Variants in INTU observed in about 807,000 individuals in gnomAD.
The protein encoded by INTU is protein inturned.
INTU carries 68 observed loss-of-function variants against 100.5 expected under a neutral mutation model. That is an observed-to-expected ratio of 0.68 (90% CI 0.56 to 0.83). The LOEUF is 0.83. INTU is among the 40% of genes least tolerant of loss of function. The probability of loss-of-function intolerance (pLI) is 0.00; values close to 1 mark genes in which losing one functional copy is unlikely to be tolerated. For synonymous variants in INTU, 357 were observed against 395.7 expected, an observed-to-expected ratio of 0.90 and a Z score of 1.16; for missense variants, 1,071 against 1,114.7, an observed-to-expected ratio of 0.96 and a Z score of 0.56.
At chr4:127,680,034 C>G (rs796411143) in intron 6 of INTU, among the ~76,000 whole-genome samples, 1 of 152,040 alleles carries the variant, frequency 6.6e-6, no homozygotes, top group Non-Finnish European at 1.5e-5. Context: ...GACACATACA[C>G]CCTCCCAAGA....
intron 9 of INTU, among the ~76,000 whole-genome samples, chr4:127,701,693 T>C (rs184828650): frequency 1.3e-5 from 2 of 151,584 alleles, no homozygotes; most frequent in East Asian, 4.1e-4. Context: ...CTGGTCATAG[T>C]TAAACCTGGG....
chr4:127,649,368 T>C (rs1486940638), intron 2 of INTU, among the ~76,000 whole-genome samples: 3 of 152,152 alleles, frequency 2.0e-5, no homozygotes. Context: ...GAAAAGACAG[T>C]CTAGAACAAA....
chr4:127,713,867 C>T lies in INTU; in HGVS notation c.2560-69C>T, dbSNP rs34240473. ...TATTTGGATCAGCCAATTCAGATTA[C>T]TCTGTGAAAACATTTTAAAGTAACA... On this transcript the variant is annotated intron_variant, in intron 14 of 15. Transcript: ENST00000335251. The T allele has an allele frequency of 0.48, 543,130 of 1,131,354 alleles. 137,048 individuals are homozygous for T. Among genetic ancestry groups the T allele is most frequent in the South Asian group, 0.66 (36,517 of 55,402 alleles). 70.1% of individuals were successfully genotyped at this position (1,131,354 alleles called of 1,614,324 possible).
chr4:127,651,118 G>T (rs1727848807), intron 2 of INTU, among the ~76,000 whole-genome samples: 1 of 151,646 alleles, frequency 6.6e-6, no homozygotes, highest in African/African-American at 2.4e-5. Context: ...CTGGATATTA[G>T]CCCTTTGTCA....
rs577542532 is a variant in INTU at position 127,656,068 on chromosome 4, G to A, written c.683-568G>A. Among the ~76,000 whole-genome samples, 9 of 152,298 alleles carry A rather than the reference G, an allele frequency of 5.9e-5. No individual in the cohort carries two copies. In the East Asian group the frequency reaches 7.7e-4, roughly 13 times the overall value. On this transcript the variant is annotated intron_variant, in intron 2 of 15. Transcript: ENST00000335251. ...CGCTTCCCAAGTGAGGCAATGCCTC[G>A]CCCTGCTTTGGCTTGCACACGGTGT...
chr4:127,633,042 C>T lies in INTU; in HGVS notation c.8C>T (p.Ser3Phe), dbSNP rs1726903104. 20 of 1,613,168 alleles carry T rather than the reference C, an allele frequency of 1.2e-5. No individual in the cohort carries two copies. Among genetic ancestry groups the T allele is most frequent in the Non-Finnish European group, 1.7e-5 (20 of 1,179,274 alleles). MA[S>F]VASCDSRPSS... is the part of the protein sequence containing the mutation. ...GCTATTGCATTCCTGACGATGGCCTCTGTGGCTTCGTGCGATTCGCGTCCG... is the reference window on the plus strand; with the variant it reads ...GCTATTGCATTCCTGACGATGGCCTTTGTGGCTTCGTGCGATTCGCGTCCG... Residue 3 changes from serine to phenylalanine, a missense_variant, in exon 1 of 16, where the codon TCT becomes TTT. Coordinates refer to ENST00000335251, the MANE Select transcript of INTU (RefSeq NM_015693.4).
intron 12 of INTU, among the ~76,000 whole-genome samples, chr4:127,708,011 T>C (rs982923219): frequency 3.3e-5 from 5 of 152,132 alleles, no homozygotes; most frequent in Admixed American, 6.5e-5. Flanking sequence ...TACCAAACAA[T>C]AGAATACTTT....
chr4:127,659,841 G>A (rs1728398628), intron 3 of INTU, among the ~76,000 whole-genome samples: 1 of 152,062 alleles, frequency 6.6e-6, no homozygotes, highest in Non-Finnish European at 1.5e-5. Flanking sequence ...TAAAGGAGGG[G>A]GCAAAGGCTT....
intron 8 of INTU, among the ~76,000 whole-genome samples, chr4:127,691,378 A>G (rs1431625711): frequency 6.6e-6 from 1 of 152,190 alleles, no homozygotes; most frequent in Non-Finnish European, 1.5e-5. Flanking sequence ...TATTCCTACC[A>G]GCAATGAATG....
intron 8 of INTU, among the ~76,000 whole-genome samples, chr4:127,694,406 A>G (rs1308896140): frequency 6.6e-6 from 1 of 152,064 alleles, no homozygotes; most frequent in Non-Finnish European, 1.5e-5. Context: ...CTGTGTTATC[A>G]GTTGTAATAT....
At chr4:127,655,528 G>A (rs1166642447) in intron 2 of INTU, among the ~76,000 whole-genome samples, 2 of 151,640 alleles carry the variant, frequency 1.3e-5, no homozygotes, top group Non-Finnish European at 1.5e-5. Context: ...TCCCAGTTAG[G>A]CTGCTCGGGG....
chr4:127,711,321 T>G (rs952586081), intron 14 of INTU, among the ~76,000 whole-genome samples: 4 of 152,222 alleles, frequency 2.6e-5, no homozygotes, highest in African/African-American at 9.6e-5. Context: ...CAGGATATGG[T>G]AGACCTGTGT....
At chr4:127,676,370 G>C (rs1729181088) in intron 6 of INTU, among the ~76,000 whole-genome samples, 2 of 152,008 alleles carry the variant, frequency 1.3e-5, no homozygotes, top group Admixed American at 1.3e-4. Context: ...CGGATTGCTT[G>C]AGCTCAGGAG....
chr4:127,634,722 A>G (rs1412389836), intron 1 of INTU, among the ~76,000 whole-genome samples: 1 of 152,254 alleles, frequency 6.6e-6, no homozygotes, highest in African/African-American at 2.4e-5. Flanking sequence ...AATCCCTATC[A>G]TAAGATGTTT....
chr4:127,667,117 G>A (rs1178003871), intron 4 of INTU, among the ~76,000 whole-genome samples: 1 of 152,104 alleles, frequency 6.6e-6, no homozygotes, highest in Non-Finnish European at 1.5e-5. Flanking sequence ...AAATTTCCGG[G>A]ATGATAACAT....
intron 11 of INTU, among the ~76,000 whole-genome samples, chr4:127,706,266 G>A (rs1431536521): frequency 6.6e-6 from 1 of 152,178 alleles, no homozygotes; most frequent in Non-Finnish European, 1.5e-5. Flanking sequence ...GAAGTGGTTT[G>A]ATGGTATATC....
At chr4:127,634,071 G>A (rs1726961954) in intron 1 of INTU, among the ~76,000 whole-genome samples, 1 of 152,170 alleles carries the variant, frequency 6.6e-6, no homozygotes, top group Admixed American at 6.5e-5. Flanking sequence ...TCATTTATAT[G>A]TATGTAGGAG....
chr4:127,696,296 G>C (rs1730379708), intron 8 of INTU, among the ~76,000 whole-genome samples: 2 of 152,080 alleles, frequency 1.3e-5, no homozygotes. Context: ...TAAATGTTTG[G>C]TAGAATTCAC....
At chr4:127,704,383 C>G (rs1730784541) in intron 10 of INTU, 93 bp downstream of exon 10, 25 of 952,050 alleles carry the variant, frequency 2.6e-5, no homozygotes, top group Middle Eastern at 2.3e-4. Context: ...ACATTTATCT[C>G]TTTTCTTTCA....
Sources: allele counts gnomAD v4.1 joint callset (sites outside exome capture counted in the v4.1 genomes callset), GRCh38; gene constraint gnomAD v4.1.1; transcripts MANE v1.5; gene names NCBI Gene and HGNC (gene_info 2026-07-23, HGNC 2026-07-21).